Variants in FLACC1 observed in about 807,000 individuals in gnomAD.
FLACC1 encodes the protein flagellum-associated coiled-coil domain-containing protein 1.
In FLACC1, 66 loss-of-function variants were observed where a neutral mutation model predicts 62.8. That is an observed-to-expected ratio of 1.05 (90% confidence interval 0.86 to 1.29). The LOEUF (loss-of-function observed/expected upper bound fraction) is 1.29, where lower values mean the gene tolerates loss of function less well. FLACC1 is among the 50% of genes most tolerant of loss of function. FLACC1 has a pLI of 0.00. For synonymous variants in FLACC1, 156 were observed against 161.0 expected (o/e 0.97, Z 0.24); for missense variants, 452 against 489.1 (o/e 0.92, Z 0.71).
At chr2:201,294,538 A>G in intron 12 of FLACC1, among the ~76,000 whole-genome samples, 1 of 152,222 alleles carries the variant, frequency 6.6e-6, no homozygotes, top group East Asian at 1.9e-4. Context: ...AATAAGAGCT[A>G]TCTATGACAA....
chr2:201,308,073 A>C (rs1342559729), intron 10 of FLACC1, among the ~76,000 whole-genome samples: 1 of 152,188 alleles, frequency 6.6e-6, no homozygotes, highest in East Asian at 1.9e-4. Context: ...GAGCCCCATT[A>C]TCAAACAAGA....
chr2:201,309,905 C>CAAAA lies in FLACC1; in HGVS notation c.676-659_676-656dup, dbSNP rs1161849891. Among the ~76,000 whole-genome samples, 28 of 44,580 alleles carry CAAAA rather than the reference C, an allele frequency of 6.3e-4. 1 individual carries two copies. The highest frequency in any genetic ancestry group is 8.1e-4 in the Non-Finnish European group (15 of 18,414). 29.2% of individuals were successfully genotyped at this position (44,580 alleles called of 152,430 possible). ...CTGGTGACAGAGTGAGACTCTGTCT[C>CAAAA]AAAAAAAAAAAAAAAAAAAAAAGAA... On this transcript the variant is annotated intron_variant, in intron 9 of 14. Transcript: ENST00000392257.
Position 201,309,252 on chromosome 2 carries a change from T to C in FLACC1, c.676-2A>G, listed in dbSNP as rs1171299013. ...TTCCATTTCATCATAAATACTGTCCTGGGGAGGTACAAAGGCACCATGAAG... is the reference window on the plus strand; with the variant it reads ...TTCCATTTCATCATAAATACTGTCCCGGGGAGGTACAAAGGCACCATGAAG... On this transcript the variant is annotated splice_acceptor_variant, in intron 9 of 14. Transcript: ENST00000392257. LOFTEE classifies it high-confidence loss of function. 2 of 1,609,638 alleles carry C rather than the reference T, an allele frequency of 1.2e-6. No homozygotes were observed. The highest frequency in any genetic ancestry group is 2.2e-5 in the East Asian group (1 of 44,864).
chr2:201,356,405 C>T lies in FLACC1; in HGVS notation c.-48+577G>A, dbSNP rs1328048275. The stretch of plus-strand genomic sequence containing the variant: ...AAACTCCTGACTTCAGGTGATCCAC[C>T]CATCTCAGCCTCCCAAAGTGCTGGG... On this transcript the variant is annotated intron_variant, in intron 1 of 14. Coordinates refer to ENST00000392257, the MANE Select transcript of FLACC1 (RefSeq NM_001127391.3). Among the ~76,000 whole-genome samples, 3 of 152,136 alleles carry T rather than the reference C, an allele frequency of 2.0e-5. No homozygotes were observed. The East Asian group carries it at 5.8e-4, about 29-fold the overall frequency.
At chr2:201,306,295 G>T (rs756528600) in intron 11 of FLACC1, among the ~76,000 whole-genome samples, 1 of 151,950 alleles carries the variant, frequency 6.6e-6, no homozygotes, top group Non-Finnish European at 1.5e-5. Flanking sequence ...ACTATCACGA[G>T]AACAGAAAGG....
intron 11 of FLACC1, among the ~76,000 whole-genome samples, chr2:201,300,644 C>T (rs1350427191): frequency 2.6e-5 from 4 of 151,776 alleles, no homozygotes; most frequent in Non-Finnish European, 5.9e-5. Flanking sequence ...GTCCCTGACC[C>T]CCGAGAAGCC....
upstream of FLACC1, chr2:201,357,448 GAGA>G (rs1023492372): frequency 5.9e-5 from 9 of 152,216 alleles, no homozygotes; most frequent in Admixed American, 5.9e-4. Flanking sequence ...TTCTTCAAGA[GAGA>G]AGGTTGGGAG....
Position 201,346,798 on chromosome 2 carries a change from CT to C in FLACC1, c.235-124del. The stretch of plus-strand genomic sequence containing the variant: ...GACCTGGGACTCCACAGCCCAAGCC[CT>C]TCTGGGCCCTTCACCCATTATAGCT... On this transcript the variant is annotated intron_variant, in intron 4 of 14. Coordinates refer to ENST00000392257, the MANE Select transcript of FLACC1 (RefSeq NM_001127391.3). The surrounding 1 kb of genome is among the most constrained non-coding windows in gnomAD (Gnocchi z 4.0). 2.6e-6 allele frequency: 3 copies of C among 1,164,984 alleles called. No homozygotes were observed. The Admixed American group carries it at 6.7e-5, about 26-fold the overall frequency. The allele number at this position is 1,164,984 out of a possible 1,614,324, so 72.2% of individuals were successfully genotyped here. A position where few individuals can be genotyped will look rare whatever the true frequency, so the allele number is the denominator to read the frequency against.
At chr2:201,304,935 A>G (rs1202951042) in intron 11 of FLACC1, among the ~76,000 whole-genome samples, 1 of 152,240 alleles carries the variant, frequency 6.6e-6, no homozygotes, top group Non-Finnish European at 1.5e-5. Context: ...AATTAATTCA[A>G]GATGGATTAA....
intron 3 of FLACC1, among the ~76,000 whole-genome samples, chr2:201,348,938 A>G (rs1176184354): frequency 6.6e-6 from 1 of 152,156 alleles, no homozygotes; most frequent in Non-Finnish European, 1.5e-5. Context: ...TGACTCTGAC[A>G]CTGTGACCTC....
intron 12 of FLACC1, among the ~76,000 whole-genome samples, chr2:201,291,984 T>G (rs1232479915): frequency 2.6e-5 from 4 of 151,966 alleles, no homozygotes; most frequent in African/African-American, 9.7e-5. Flanking sequence ...AAAAAAAGAA[T>G]AAGAAGAAAT....
chr2:201,309,015 A>C, intron 10 of FLACC1, 136 bp downstream of exon 10: 3 of 715,374 alleles, frequency 4.2e-6, no homozygotes, highest in Non-Finnish European at 7.2e-6. Context: ...AACTCTGGGC[A>C]CCTTCCATTC....
chr2:201,327,097 T>C (rs558826592), intron 9 of FLACC1, among the ~76,000 whole-genome samples: 1 of 152,240 alleles, frequency 6.6e-6, no homozygotes, highest in African/African-American at 2.4e-5. Flanking sequence ...TAATAAGTGG[T>C]GCTGGGAGAA....
chr2:201,334,129 A>G (rs1046117217), intron 7 of FLACC1, among the ~76,000 whole-genome samples: 1 of 152,096 alleles, frequency 6.6e-6, no homozygotes, highest in South Asian at 2.1e-4. Flanking sequence ...ATGGTATCTC[A>G]TTGTGGTTTT....
At chr2:201,319,071 C>T (rs1950354183) in intron 9 of FLACC1, among the ~76,000 whole-genome samples, 1 of 152,080 alleles carries the variant, frequency 6.6e-6, no homozygotes, top group Non-Finnish European at 1.5e-5. Context: ...CCAAACACCT[C>T]CTGTTTCCTA....
chr2:201,301,197 A>G (rs1949974043), intron 11 of FLACC1, among the ~76,000 whole-genome samples: 3 of 152,178 alleles, frequency 2.0e-5, no homozygotes, highest in African/African-American at 7.2e-5. Context: ...AGATTGGATG[A>G]ATGACTAACT....
chr2:201,326,457 C>T lies in FLACC1; in HGVS notation c.675+4013G>A, dbSNP rs1031811474. ...TCCAAAGACTCTAAGATTTGATAAA[C>T]GAATTCAGTGAAGTCTCAGTTTACA... On this transcript the variant is annotated intron_variant, in intron 9 of 14. Coordinates refer to ENST00000392257, the MANE Select transcript of FLACC1 (RefSeq NM_001127391.3). The surrounding 1 kb of genome is among the most constrained non-coding windows in gnomAD (Gnocchi z 4.1). Among the ~76,000 whole-genome samples, 8 of 152,152 alleles carry T rather than the reference C, an allele frequency of 5.3e-5. No homozygotes were observed. Among genetic ancestry groups the T allele is most frequent in the Non-Finnish European group, 8.8e-5 (6 of 68,016 alleles).
chr2:201,296,662 TA>T (rs992815452), intron 12 of FLACC1, among the ~76,000 whole-genome samples: 8 of 151,688 alleles, frequency 5.3e-5, no homozygotes, highest in African/African-American at 1.5e-4. Flanking sequence ...TACAGTATAA[TA>T]AAAAAAATGC....
At chr2:201,290,072 G>A (rs939689299) in intron 12 of FLACC1, among the ~76,000 whole-genome samples, 17 of 152,082 alleles carry the variant, frequency 1.1e-4, no homozygotes, top group Admixed American at 6.6e-5. Flanking sequence ...ATGACACTCT[G>A]GAAAAGGCAA....
Sources: gnomAD v4.1 joint callset for allele counts (sites outside exome capture counted in the v4.1 genomes callset) on GRCh38, gnomAD v4.1.1 for gene constraint, Gnocchi (gnomAD v3.1) non-coding constraint, MANE v1.5 for transcripts, NCBI Gene and HGNC (gene_info 2026-07-23, HGNC 2026-07-21) for gene names.